Variants in PSD3 observed in about 807,000 individuals in gnomAD.
PSD3 encodes pleckstrin and Sec7 domain containing 3.
In PSD3, 49 loss-of-function variants were observed where a neutral mutation model predicts 105.5. That is an observed-to-expected ratio of 0.46 (90% CI 0.37 to 0.59). The LOEUF (loss-of-function observed/expected upper bound fraction) is 0.59, where lower values mean the gene tolerates loss of function less well. Among genes scored for constraint, PSD3 ranks in the 20% least tolerant of loss-of-function variants. The pLI is 0.00. For synonymous variants in PSD3, 557 were observed against 457.8 expected (o/e 1.22, Z -2.77); for missense variants, 1,561 against 1,263.8 (o/e 1.24, Z -3.57).
At chr8:18,734,597 A>C (rs1804008245) in intron 9 of PSD3, among the ~76,000 whole-genome samples, 1 of 152,190 alleles carries the variant, frequency 6.6e-6, no homozygotes, top group Non-Finnish European at 1.5e-5. Context: ...AGGCACTAAC[A>C]GTAAACACGG....
At chr8:19,070,752 C>T (rs1829227981) in intron 1 of PSD3, among the ~76,000 whole-genome samples, 1 of 152,128 alleles carries the variant, frequency 6.6e-6, no homozygotes, top group South Asian at 2.1e-4. Context: ...TCTTGTACAC[C>T]TCACTTTCCA....
intron 4 of PSD3, among the ~76,000 whole-genome samples, chr8:18,831,595 G>A (rs796798720): frequency 9.9e-5 from 15 of 152,234 alleles, no homozygotes; most frequent in African/African-American, 2.6e-4. Context: ...GGTGGCGGGC[G>A]CCTATAGTCC....
intron 12 of PSD3, among the ~76,000 whole-genome samples, chr8:18,583,519 A>G (rs1407390009): frequency 6.6e-6 from 1 of 152,182 alleles, no homozygotes; most frequent in Non-Finnish European, 1.5e-5. Context: ...ACTCTTTAAC[A>G]TGGTTCTCTA....
At chr8:18,643,360 C>T (rs566265663) in intron 10 of PSD3, among the ~76,000 whole-genome samples, 1 of 152,270 alleles carries the variant, frequency 6.6e-6, no homozygotes, top group African/African-American at 2.4e-5. Flanking sequence ...CTGTCTGTGG[C>T]CTCTGAAATA....
At chr8:18,627,690 C>A (rs924329092) in intron 11 of PSD3, among the ~76,000 whole-genome samples, 1 of 151,802 alleles carries the variant, frequency 6.6e-6, no homozygotes, top group Non-Finnish European at 1.5e-5. Context: ...GTTACTTACC[C>A]GCACACCAGG....
At chr8:18,638,308 T>C (rs1807414827) in intron 10 of PSD3, among the ~76,000 whole-genome samples, 1 of 149,124 alleles carries the variant, frequency 6.7e-6, no homozygotes, top group Admixed American at 6.7e-5. Context: ...TTGGGAGTTT[T>C]AGGCTGAGCA....
chr8:18,745,460 G>T (rs1001355434), intron 9 of PSD3, among the ~76,000 whole-genome samples: 1 of 151,854 alleles, frequency 6.6e-6, no homozygotes, highest in Non-Finnish European at 1.5e-5. Context: ...TGGCCATTAG[G>T]AGCTCCTCCA....
At chr8:18,640,148 C>T (rs557977952) in intron 10 of PSD3, among the ~76,000 whole-genome samples, 2 of 152,072 alleles carry the variant, frequency 1.3e-5, no homozygotes, top group Non-Finnish European at 2.9e-5. Context: ...TGTAGAACTC[C>T]GTTGATATAG....
intron 8 of PSD3, among the ~76,000 whole-genome samples, chr8:18,779,764 T>C (rs568778904): frequency 6.6e-6 from 1 of 152,344 alleles, no homozygotes; most frequent in South Asian, 2.1e-4. Context: ...TGTTGATTTC[T>C]AGTTTTATTC....
chr8:19,062,328 T>C (rs933969273), intron 1 of PSD3, among the ~76,000 whole-genome samples: 32 of 152,178 alleles, frequency 2.1e-4, no homozygotes, highest in African/African-American at 7.5e-4. Context: ...GCAGTTGGGA[T>C]AGAAAGATGA....
intron 2 of PSD3, among the ~76,000 whole-genome samples, chr8:18,907,705 C>T (rs981538542): frequency 2.0e-5 from 3 of 152,210 alleles, no homozygotes; most frequent in Non-Finnish European, 4.4e-5. Context: ...AGGGCGAAAT[C>T]GCCTGATGAC....
chr8:18,572,558 A>C lies in PSD3; in HGVS notation c.2754T>G (p.Leu918=). The C allele has an allele frequency of 1.2e-6, 2 of 1,614,034 alleles. No homozygotes were observed. Among genetic ancestry groups the C allele is most frequent in the Non-Finnish European group, 1.7e-6 (2 of 1,179,888 alleles). Reference sequence around the variant, plus strand: ...ACAGTTTTGTTGTAGTGGCAGGCAGAAGTGGGCGGCTAAACTTCTTCTGAG... The same window carrying C: ...ACAGTTTTGTTGTAGTGGCAGGCAGCAGTGGGCGGCTAAACTTCTTCTGAG... ...IGSQKKFSRP[L]LPATTTKLSQ... The change falls in exon 14 of 16, where the codon CTT becomes CTG. Residue 918 remains leucine (L), a synonymous_variant. Transcript: ENST00000327040.
chr8:18,856,390 C>T (rs1488058906), intron 4 of PSD3, among the ~76,000 whole-genome samples: 1 of 151,780 alleles, frequency 6.6e-6, no homozygotes, highest in Non-Finnish European at 1.5e-5. Flanking sequence ...GTGCTGGCCA[C>T]TATGCCAGGG....
intron 1 of PSD3, among the ~76,000 whole-genome samples, chr8:19,028,282 C>CT (rs1281653604): frequency 1.7e-5 from 1 of 59,332 alleles, no homozygotes; most frequent in African/African-American, 5.9e-5. Context: ...CACACCACCC[C>CT]CCCCCCCCGG....
intron 15 of PSD3, among the ~76,000 whole-genome samples, chr8:18,543,355 C>A (rs1800256746): frequency 6.6e-6 from 1 of 152,164 alleles, no homozygotes; most frequent in African/African-American, 2.4e-5. Flanking sequence ...TGACTCACAC[C>A]TGTAATCCCA....
At chr8:18,743,003 T>C (rs1017021858) in intron 9 of PSD3, among the ~76,000 whole-genome samples, 4 of 152,218 alleles carry the variant, frequency 2.6e-5, no homozygotes, top group African/African-American at 7.2e-5. Flanking sequence ...CATATGACCT[T>C]GGACACTATG....
At chr8:19,032,285 G>C (rs760343458) in intron 1 of PSD3, among the ~76,000 whole-genome samples, 1 of 152,160 alleles carries the variant, frequency 6.6e-6, no homozygotes, top group Non-Finnish European at 1.5e-5. Context: ...CATGGTAAGT[G>C]AGATGTGGTT....
intron 8 of PSD3, among the ~76,000 whole-genome samples, chr8:18,797,265 A>C (rs1207218058): frequency 6.6e-6 from 1 of 152,312 alleles, no homozygotes; most frequent in African/African-American, 2.4e-5. Flanking sequence ...ACTTATCACC[A>C]AACACATGAT....
chr8:18,603,725 C>T (rs1458974268), intron 11 of PSD3, among the ~76,000 whole-genome samples: 3 of 152,120 alleles, frequency 2.0e-5, no homozygotes, highest in Admixed American at 1.3e-4. Flanking sequence ...GGTTTAGCAC[C>T]ATCCGCTTCT....
Sources: allele counts gnomAD v4.1 joint callset (sites outside exome capture counted in the v4.1 genomes callset), GRCh38; gene constraint gnomAD v4.1.1; transcripts MANE v1.5; gene names NCBI Gene and HGNC (gene_info 2026-07-23, HGNC 2026-07-21).